EXOC3L4: variants seen among roughly 807,000 people sequenced by gnomAD.
The protein encoded by EXOC3L4 is exocyst complex component 3-like protein 4.
In EXOC3L4, 62 loss-of-function variants were observed where a neutral mutation model predicts 69.7. The observed-to-expected ratio is 0.89, with a 90% CI of 0.72 to 1.10. The LOEUF (loss-of-function observed/expected upper bound fraction) is 1.10. EXOC3L4 is among the 50% of genes least tolerant of loss of function. The probability of loss-of-function intolerance (pLI) is 0.00; values close to 1 mark genes in which losing one functional copy is unlikely to be tolerated. For missense variants in EXOC3L4, 1,087 were observed against 1,034.8 expected, an observed-to-expected ratio of 1.05 and a Z score of -0.69; for synonymous variants, 502 against 464.2, an observed-to-expected ratio of 1.08 and a Z score of -1.05.
At chr14:103,101,934 T>A (rs114336923) in intron 2 of EXOC3L4, among the ~76,000 whole-genome samples, 184 bp from the exon 3 acceptor site, 288 of 152,326 alleles carry the variant, frequency 1.9e-3, no homozygotes, top group African/African-American at 6.7e-3. Flanking sequence ...CAAAGGTGAC[T>A]CTAAGGGAGG....
chr14:103,096,231 G>C (rs1484396260), intron 1 of EXOC3L4, among the ~76,000 whole-genome samples: 2 of 152,146 alleles, frequency 1.3e-5, no homozygotes, highest in Admixed American at 6.6e-5. Context: ...TTGCGCACCT[G>C]TAGTCCCAGC....
At position 103,104,736 on chromosome 14, in the gene EXOC3L4, A is replaced by C; in HGVS notation, c.1285-2A>C. 6.7e-7 allele frequency: 1 copy of C among 1,498,946 alleles called. No individual in the cohort carries two copies. Among genetic ancestry groups the C allele is most frequent in the Non-Finnish European group, 8.9e-7 (1 of 1,124,456 alleles). 92.9% of individuals were successfully genotyped at this position (1,498,946 alleles called of 1,614,324 possible). A position where few individuals can be genotyped will look rare whatever the true frequency, so the allele number is the denominator to read the frequency against. On this transcript the variant is annotated splice_acceptor_variant, in intron 5 of 11. Transcript: ENST00000688303. LOFTEE classifies it high-confidence loss of function. ...ACGCTCAGTGCGGGGCTTCGCTCGC[A>C]GCTCGTGGCCGAGCACGTGAAGGCG...
chr14:103,100,442 C>G lies in EXOC3L4; in HGVS notation c.223C>G (p.Leu75Val), dbSNP rs1345390365. ...CCAGGTCTCCAAGGAAGATACGGGC[C>G]TGTTCCGGCGAAGCTCCTGCTCCCT... ...LTQVSKEDTG[L>V]FRRSSCSLFR... Residue 75 changes from leucine to valine, a missense_variant, in exon 2 of 12, where the codon CTG becomes GTG. Transcript: ENST00000688303. The G allele has an allele frequency of 6.2e-7, 1 of 1,613,302 alleles. No homozygotes were observed. Among genetic ancestry groups the G allele is most frequent in the East Asian group, 2.2e-5 (1 of 44,898 alleles).
chr14:103,108,432 T>C lies in EXOC3L4; in HGVS notation c.1891T>C (p.Cys631Arg), dbSNP rs777326406. The change falls in exon 11 of 12, where the codon TGC becomes CGC. Residue 631 changes from cysteine (C) to arginine (R), a missense_variant. By Grantham distance (180) the Cys-to-Arg change is radical (BLOSUM62 -3). Coordinates refer to ENST00000688303, the MANE Select transcript of EXOC3L4 (RefSeq NM_001077594.2). ...EATWLDQAIQ[C>R]VAEILGETYK... The stretch of plus-strand genomic sequence containing the variant: ...CACATGGTTGGACCAAGCCATCCAG[T>C]GCGTGGCTGAGATCCTGGGCGAGAC... The C allele has an allele frequency of 1.4e-5, 22 of 1,613,824 alleles. No individual in the cohort carries two copies. In the East Asian group the frequency reaches 4.5e-4, roughly 33 times the overall value.
At chr14:103,095,817 T>G (rs116686403) in intron 1 of EXOC3L4, among the ~76,000 whole-genome samples, 3,681 of 152,294 alleles carry the variant, frequency 0.024, 149 homozygotes, top group African/African-American at 0.085. Context: ...TTTTATTAGC[T>G]CCAATAATTT....
rs904489537 is a variant in EXOC3L4, at chr14:103,110,287, G to C, written c.*64G>C. 4.1e-6 allele frequency: 6 copies of C among 1,480,210 alleles called. No individual in the cohort carries two copies. Among genetic ancestry groups the C allele is most frequent in the Non-Finnish European group, 5.4e-6 (6 of 1,107,922 alleles). 91.7% of individuals were successfully genotyped at this position (1,480,210 alleles called of 1,614,324 possible). The stretch of plus-strand genomic sequence containing the variant: ...AGCTGTGGTCAGTGGGGGTCAGCCA[G>C]GAGCCCAGGGAGTCACTCTGGGCCC... On this transcript the variant is annotated 3_prime_UTR_variant, in exon 12 of 12. Coordinates refer to ENST00000688303, the MANE Select transcript of EXOC3L4 (RefSeq NM_001077594.2).
chr14:103,105,932 C>A (rs1224335979), intron 7 of EXOC3L4, among the ~76,000 whole-genome samples: 1 of 152,236 alleles, frequency 6.6e-6, no homozygotes, highest in Non-Finnish European at 1.5e-5. Flanking sequence ...GACAAGCCAC[C>A]TCCCCTCTGT....
chr14:103,110,063 G>A lies in EXOC3L4; in HGVS notation c.2009G>A (p.Arg670His), dbSNP rs138615574. ...CACATACTGGCCATTCTGGCGCTGC[G>A]CCGACTGGGCCGCCAGCGGAACCAG... ...RDHILAILAL[R>H]RLGRQRNQHL... is the part of the protein sequence containing the mutation. The change falls in exon 12 of 12, where the codon CGC (arginine) becomes CAC (histidine). Residue 670 changes from arginine (R) to histidine (H), a missense_variant. Arg to His is a conservative substitution (Grantham distance 29). Transcript: ENST00000688303. The A allele has an allele frequency of 6.6e-4, 1,064 of 1,600,582 alleles. 1 individual carries two copies. Among genetic ancestry groups the A allele is most frequent in the Non-Finnish European group, 8.4e-4 (989 of 1,174,390 alleles).
intron 7 of EXOC3L4, among the ~76,000 whole-genome samples, chr14:103,106,410 C>T (rs114335968): frequency 0.012 from 1,788 of 152,298 alleles, 35 homozygotes; most frequent in African/African-American, 0.04. Flanking sequence ...GCGGGGACTG[C>T]GTATAGCCTG....
rs201211014 is a variant in EXOC3L4, at chr14:103,102,258, G to A, written c.535G>A (p.Ala179Thr). 2.1e-5 allele frequency: 34 copies of A among 1,586,648 alleles called. No homozygotes were observed. Among genetic ancestry groups the A allele is most frequent in the Non-Finnish European group, 2.9e-5 (34 of 1,168,780 alleles). ...EQDPTAFARR[A>T]MDVCLLYDGL... ...GGACCCTACGGCCTTCGCGCGGCGC[G>A]CTATGGACGTGTGCCTGCTTTACGA... The change falls in exon 3 of 12, where the codon GCT becomes ACT. Residue 179 changes from alanine to threonine, a missense_variant. Ala to Thr is a moderately conservative substitution (Grantham distance 58). Coordinates refer to ENST00000688303, the MANE Select transcript of EXOC3L4 (RefSeq NM_001077594.2).
In EXOC3L4 at chr14:103,102,271, G is replaced by T. The variant is rs868305219; in HGVS notation, c.548G>T (p.Cys183Phe). The change falls in exon 3 of 12, where the codon TGC becomes TTC. Residue 183 changes from cysteine to phenylalanine, a missense_variant. Physicochemically the swap from Cys to Phe is radical, Grantham distance 205 (BLOSUM62 -2). Coordinates refer to ENST00000688303, the MANE Select transcript of EXOC3L4 (RefSeq NM_001077594.2). ...TTCGCGCGGCGCGCTATGGACGTGT[G>T]CCTGCTTTACGACGGGCTGGCAGCC... The part of the protein sequence containing the change: ...TAFARRAMDV[C>F]LLYDGLAAEI... The T allele has an allele frequency of 6.3e-7, 1 of 1,585,426 alleles. No homozygotes were observed. Among genetic ancestry groups the T allele is most frequent in the Admixed American group, 1.7e-5 (1 of 57,162 alleles).
In EXOC3L4 at chr14:103,104,060, C is replaced by CGGGCGGGTCAGGCT. The variant is rs769891288; in HGVS notation, c.1161+16_1161+29dup. 6.4e-7 allele frequency: 1 copy of CGGGCGGGTCAGGCT among 1,552,592 alleles called. No homozygotes were observed. The highest frequency in any genetic ancestry group is 8.7e-7 in the Non-Finnish European group (1 of 1,152,584). On this transcript the variant is annotated intron_variant, in intron 4 of 11. Transcript: ENST00000688303. ...TACACCAGCTTCCTGGAGGTCAGGC[C>CGGGCGGGTCAGGCT]GGGCGGGTCAGGCTGGGCGGGCCAG...
intron 7 of EXOC3L4, among the ~76,000 whole-genome samples, chr14:103,106,504 G>A (rs530148606): frequency 6.6e-5 from 10 of 152,314 alleles, no homozygotes; most frequent in Non-Finnish European, 1.2e-4. Flanking sequence ...TATGTTCCAG[G>A]CATGGCTATG....
In EXOC3L4 at chr14:103,102,678, G is replaced by T; in HGVS notation, c.955G>T (p.Ala319Ser). The change falls in exon 3 of 12, where the codon GCC becomes TCC. Residue 319 changes from alanine (A) to serine (S), a missense_variant. Coordinates refer to ENST00000688303, the MANE Select transcript of EXOC3L4 (RefSeq NM_001077594.2). ...WEVYLRAFHSAVAQRLQELAR... is the reference protein window; with the variant it reads ...WEVYLRAFHSSVAQRLQELAR... ...GGTCTATCTGCGTGCCTTCCACAGC[G>T]CCGTGGCCCAGCGCCTCCAGGAGCT... is the stretch of plus-strand genomic sequence containing the variant. 6.7e-7 allele frequency: 1 copy of T among 1,489,294 alleles called. No individual in the cohort carries two copies. The allele number at this position is 1,489,294 out of a possible 1,614,324, so 92.3% of individuals were successfully genotyped here. A position where few individuals can be genotyped will look rare whatever the true frequency, so the allele number is the denominator to read the frequency against.
In EXOC3L4 at chr14:103,110,130, CGGGGCGGCGGGTGCGGAGGCCCCTCG is replaced by C; in HGVS notation, c.2080_2105del (p.Ala694ProfsTer56). 1.3e-6 allele frequency: 2 copies of C among 1,554,172 alleles called. No individual in the cohort carries two copies. Among genetic ancestry groups the C allele is most frequent in the Non-Finnish European group, 1.7e-6 (2 of 1,149,240 alleles). ...CTCAAGACCTGCTGAGAGCTGCGGC[CGGGGCGGCGGGTGCGGAGGCCCCTCG>C]GGGCCGCGTGCTCTTCGAGGAGATC... is the stretch of plus-strand genomic sequence containing the variant. On this transcript the variant is annotated frameshift_variant, in exon 12 of 12. Coordinates refer to ENST00000688303, the MANE Select transcript of EXOC3L4 (RefSeq NM_001077594.2). LOFTEE classifies it low-confidence loss of function (END_TRUNC).
intron 2 of EXOC3L4, among the ~76,000 whole-genome samples, chr14:103,101,875 C>A (rs1210258888): frequency 6.6e-6 from 1 of 152,222 alleles, no homozygotes; most frequent in East Asian, 1.9e-4. Context: ...TAGGGGTTGA[C>A]CCAAATTGCT....
chr14:103,106,937 C>A, intron 8 of EXOC3L4, 38 bp downstream of exon 8: 1 of 1,454,316 alleles, frequency 6.9e-7, no homozygotes, highest in Non-Finnish European at 9.3e-7. Flanking sequence ...CTTCCCATGC[C>A]CAGCAGGCAC....
At position 103,110,354 on chromosome 14, in the gene EXOC3L4, C is replaced by A. The variant is rs1224438137; in HGVS notation, c.*131C>A. 1.3e-5 allele frequency: 15 copies of A among 1,138,240 alleles called. No homozygotes were observed. In the Admixed American group the frequency reaches 3.0e-4, roughly 23 times the overall value. The allele number at this position is 1,138,240 out of a possible 1,614,324, so 70.5% of individuals were successfully genotyped here. A position where few individuals can be genotyped will look rare whatever the true frequency, so the allele number is the denominator to read the frequency against. On this transcript the variant is annotated 3_prime_UTR_variant, in exon 12 of 12. Coordinates refer to ENST00000688303, the MANE Select transcript of EXOC3L4 (RefSeq NM_001077594.2). Reference sequence around the variant, plus strand: ...ACTGCAGTTAGGGAATTTTTGTCGTCAGCAGCCAAGCGCAGCTGTCAGGCC... The same window carrying A: ...ACTGCAGTTAGGGAATTTTTGTCGTAAGCAGCCAAGCGCAGCTGTCAGGCC...
Position 103,102,405 on chromosome 14 carries a change from C to A in EXOC3L4, c.682C>A (p.Pro228Thr), listed in dbSNP as rs778716701. 3.0e-4 allele frequency: 454 copies of A among 1,535,822 alleles called. No homozygotes were observed. The highest frequency in any genetic ancestry group is 3.7e-4 in the Non-Finnish European group (425 of 1,149,546). ...CGCGGAGGAGGAAGCCCACCCTTCTCCCCCCGACGACGGCGACTTCCTGCG... is the reference window on the plus strand; with the variant it reads ...CGCGGAGGAGGAAGCCCACCCTTCTACCCCCGACGACGGCGACTTCCTGCG... ...VSAEEEAHPS[P>T]PDDGDFLRTP... The change falls in exon 3 of 12, where the codon CCC becomes ACC. Residue 228 changes from proline to threonine, a missense_variant. Pro to Thr is a conservative substitution (Grantham distance 38, BLOSUM62 -1). Coordinates refer to ENST00000688303, the MANE Select transcript of EXOC3L4 (RefSeq NM_001077594.2).
Sources: allele counts gnomAD v4.1 joint callset (sites outside exome capture counted in the v4.1 genomes callset), GRCh38; gene constraint gnomAD v4.1.1; transcripts MANE v1.5; gene names NCBI Gene and HGNC (gene_info 2026-07-23, HGNC 2026-07-21).